MLIP: variants seen among roughly 807,000 people sequenced by gnomAD.
The protein encoded by MLIP is muscular LMNA interacting protein, also known as muscular LMNA-interacting protein.
MLIP carries 79 observed loss-of-function variants against 84.8 expected under a neutral mutation model. That is an observed-to-expected ratio of 0.93 (90% CI 0.78 to 1.12). MLIP has a LOEUF of 1.12. Ranked by LOEUF, MLIP falls within the 50% of genes most tolerant of loss-of-function variation. The pLI, the probability that MLIP is intolerant of heterozygous loss-of-function variation, is 0.00. For synonymous variants in MLIP, 504 were observed against 463.0 expected, an observed-to-expected ratio of 1.09 and a Z score of -1.14; for missense variants, 1,257 against 1,160.6, an observed-to-expected ratio of 1.08 and a Z score of -1.21.
At chr6:54,248,598 A>G (rs1306349670) in intron 12 of MLIP, among the ~76,000 whole-genome samples, 2 of 152,192 alleles carry the variant, frequency 1.3e-5, no homozygotes, top group East Asian at 1.9e-4. Flanking sequence ...ATGAGCAGAC[A>G]AAAATTCCCT....
At chr6:54,072,322 C>T (rs1395470896) in intron 1 of MLIP, among the ~76,000 whole-genome samples, 1 of 152,196 alleles carries the variant, frequency 6.6e-6, no homozygotes, top group African/African-American at 2.4e-5. Context: ...TCTCTATCCC[C>T]AGAGGAGATA....
intron 12 of MLIP, among the ~76,000 whole-genome samples, chr6:54,245,241 G>A (rs1274152891): frequency 6.6e-6 from 1 of 152,082 alleles, no homozygotes; most frequent in African/African-American, 2.4e-5. Flanking sequence ...ATTGAGGGAG[G>A]GTTCTTCAGA....
chr6:54,056,953 A>G (rs906891243), intron 1 of MLIP, among the ~76,000 whole-genome samples: 2 of 152,202 alleles, frequency 1.3e-5, no homozygotes, highest in African/African-American at 4.8e-5. Flanking sequence ...TTTATAAATG[A>G]GAAAAGTAAG....
intron 9 of MLIP, among the ~76,000 whole-genome samples, chr6:54,187,213 T>C (rs185199383): frequency 6.6e-6 from 1 of 152,264 alleles, no homozygotes; most frequent in Admixed American, 6.5e-5. Context: ...GTGCAACTCC[T>C]AAGGCCCCCA....
chr6:54,123,025 G>A (rs1770595483), intron 2 of MLIP, among the ~76,000 whole-genome samples: 1 of 151,380 alleles, frequency 6.6e-6, no homozygotes, highest in Non-Finnish European at 1.5e-5. Context: ...TCCGCCTCCC[G>A]GGTTCACTCC....
rs139492356 is a variant in MLIP at position 54,229,977 on chromosome 6, A to C, written c.2719-737A>C. 7.4e-3 allele frequency among the ~76,000 whole-genome samples: 1,132 copies of C among 152,228 alleles called. 11 individuals carry two copies. Among genetic ancestry groups the C allele is most frequent in the African/African-American group, 0.026 (1,059 of 41,522 alleles). ...GTTTTGATTTCCTTGCTCCATTCACATAATTCATGGCCTCATGTAGTAGTT... is the reference window on the plus strand; with the variant it reads ...GTTTTGATTTCCTTGCTCCATTCACCTAATTCATGGCCTCATGTAGTAGTT... On this transcript the variant is annotated intron_variant, in intron 11 of 13. Transcript: ENST00000502396.
At chr6:54,034,414 T>G (rs1764310248) in intron 1 of MLIP, among the ~76,000 whole-genome samples, 1 of 152,222 alleles carries the variant, frequency 6.6e-6, no homozygotes, top group African/African-American at 2.4e-5. Context: ...ACTGCATATA[T>G]GATGGTGGTC....
intron 3 of MLIP, among the ~76,000 whole-genome samples, chr6:54,125,769 G>A (rs1029284940): frequency 2.0e-5 from 3 of 152,074 alleles, no homozygotes; most frequent in African/African-American, 7.2e-5. Flanking sequence ...AATAGACCAG[G>A]CATTTGCAAT....
At chr6:54,067,389 A>C (rs1766263386) in intron 1 of MLIP, among the ~76,000 whole-genome samples, 1 of 101,592 alleles carries the variant, frequency 9.8e-6, no homozygotes, top group Admixed American at 9.1e-5. Flanking sequence ...CAAAATACAC[A>C]GTTAGGCAGA....
At chr6:54,131,840 T>A (rs966206770) in intron 3 of MLIP, among the ~76,000 whole-genome samples, 1 of 152,204 alleles carries the variant, frequency 6.6e-6, no homozygotes, top group Non-Finnish European at 1.5e-5. Context: ...GGTCAATAAT[T>A]TGGGCTGTTT....
At chr6:54,203,213 G>C (rs1330696280) in intron 11 of MLIP, among the ~76,000 whole-genome samples, 1 of 152,056 alleles carries the variant, frequency 6.6e-6, no homozygotes, top group East Asian at 1.9e-4. Flanking sequence ...ACTTCATAAT[G>C]AATAGCAGAG....
At chr6:54,056,050 T>C (rs999431967) in intron 1 of MLIP, among the ~76,000 whole-genome samples, 4 of 152,196 alleles carry the variant, frequency 2.6e-5, no homozygotes, top group African/African-American at 7.2e-5. Context: ...ATGCCACTTT[T>C]AAATTTTAAA....
intron 1 of MLIP, chr6:54,046,271 T>A (rs1265723981): frequency 1.7e-5 from 1 of 58,460 alleles, no homozygotes; most frequent in Admixed American, 1.9e-4. Context: ...TGGACATTAC[T>A]TTTTTTTTTT....
chr6:54,030,453 G>A (rs777804959), intron 1 of MLIP, among the ~76,000 whole-genome samples: 1 of 152,138 alleles, frequency 6.6e-6, no homozygotes, highest in Non-Finnish European at 1.5e-5. Context: ...ATATAGGTAA[G>A]AAGAAGGAGA....
intron 12 of MLIP, among the ~76,000 whole-genome samples, chr6:54,236,551 G>A (rs1019592754): frequency 4.0e-5 from 6 of 151,342 alleles, no homozygotes; most frequent in East Asian, 1.9e-4. Flanking sequence ...GCAGTGAGCC[G>A]AGATCACTCC....
intron 1 of MLIP, among the ~76,000 whole-genome samples, chr6:54,087,225 C>G (rs1767554929): frequency 6.6e-6 from 1 of 152,122 alleles, no homozygotes; most frequent in South Asian, 2.1e-4. Context: ...AAAACAACAA[C>G]CTATAGCTGT....
chr6:54,211,067 C>T (rs1267139201), intron 11 of MLIP, among the ~76,000 whole-genome samples: 6 of 151,912 alleles, frequency 3.9e-5, no homozygotes, highest in African/African-American at 1.5e-4. Context: ...GGTGAAACCC[C>T]ATCTCTACTA....
chr6:54,220,691 A>G (rs972387782), intron 11 of MLIP, among the ~76,000 whole-genome samples: 10 of 152,212 alleles, frequency 6.6e-5, no homozygotes, highest in African/African-American at 2.2e-4. Context: ...TGAAATATAC[A>G]GAAAGTGACA....
chr6:54,261,411 A>C (rs961609918), intron 13 of MLIP, among the ~76,000 whole-genome samples: 2 of 152,052 alleles, frequency 1.3e-5, no homozygotes, highest in Non-Finnish European at 2.9e-5. Flanking sequence ...CTGACCTTTC[A>C]GGTTCATTTG....
Sources: allele counts gnomAD v4.1 joint callset (sites outside exome capture counted in the v4.1 genomes callset), GRCh38; gene constraint gnomAD v4.1.1; transcripts MANE v1.5; gene names NCBI Gene and HGNC (gene_info 2026-07-23, HGNC 2026-07-21).